The following POLK variants were observed in gnomAD, a reference collection of about 807,000 sequenced individuals.
The protein encoded by POLK is DNA polymerase kappa.
In POLK, 76 loss-of-function variants were observed where a neutral mutation model predicts 94.0. That is an observed-to-expected ratio of 0.81 (90% CI 0.67 to 0.98). The LOEUF (loss-of-function observed/expected upper bound fraction) is 0.98, where lower values mean the gene tolerates loss of function less well. Ranked by LOEUF, POLK falls within the 50% of genes least tolerant of loss-of-function variation. The pLI is 0.00. For synonymous variants in POLK, 349 were observed against 325.4 expected, an observed-to-expected ratio of 1.07 and a Z score of -0.78; for missense variants, 954 against 1,010.1, an observed-to-expected ratio of 0.94 and a Z score of 0.75.
At chr5:75,592,059 G>T (rs973145621) in intron 11 of POLK, among the ~76,000 whole-genome samples, 1 of 152,120 alleles carries the variant, frequency 6.6e-6, no homozygotes, top group African/African-American at 2.4e-5. Flanking sequence ...TCCTCCAGGG[G>T]ATACTAAAAT....
chr5:75,547,081 G>A, exon 2 of POLK: 1 of 1,518,084 alleles, frequency 6.6e-7, no homozygotes, highest in South Asian at 1.2e-5. Context: ...CTTAGGATGG[G>A]ACTTAATGAT....
intron 1 of POLK, among the ~76,000 whole-genome samples, chr5:75,546,792 A>G (rs1770045238): frequency 6.6e-6 from 1 of 151,948 alleles, no homozygotes; most frequent in African/African-American, 2.4e-5. Flanking sequence ...CAGCCTCCCT[A>G]GTAGCTGGGA....
rs748350324 is a variant in POLK, at chr5:75,562,473, C to T, written c.256-6867C>T. Among the ~76,000 whole-genome samples the T allele has an allele frequency of 6.6e-5, 10 of 152,264 alleles. No homozygotes were observed. In the South Asian group the frequency reaches 1.0e-3, roughly 16 times the overall value. On this transcript the variant is annotated intron_variant, in intron 3 of 14. Coordinates refer to ENST00000241436, the Ensembl canonical transcript of POLK. ...CCTGCAAACAGAGGTAATTTGACTCCCTCTCTTCCTAATTGAATACCCTTT... is the reference window on the plus strand; with the variant it reads ...CCTGCAAACAGAGGTAATTTGACTCTCTCTCTTCCTAATTGAATACCCTTT...
At chr5:75,569,880 C>T (rs1418485996) in intron 4 of POLK, among the ~76,000 whole-genome samples, 1 of 152,118 alleles carries the variant, frequency 6.6e-6, no homozygotes, top group Admixed American at 6.5e-5. Context: ...TGTGAGGGAT[C>T]CAGGTTACAT....
chr5:75,538,650 G>A (rs995939912), intron 1 of POLK: 5 of 152,074 alleles, frequency 3.3e-5, no homozygotes, highest in African/African-American at 4.8e-5. Flanking sequence ...CTGAAAAACT[G>A]TAACATTCAT....
intron 3 of POLK, among the ~76,000 whole-genome samples, chr5:75,559,518 G>GTT (rs1770850714): frequency 4.3e-5 from 3 of 70,154 alleles, no homozygotes; most frequent in African/African-American, 5.6e-5. Flanking sequence ...TTTTTGTTTT[G>GTT]TTTTGTTTTT....
chr5:75,588,541 A>G (rs1295520333), intron 10 of POLK, among the ~76,000 whole-genome samples: 5 of 152,218 alleles, frequency 3.3e-5, no homozygotes, highest in Admixed American at 1.3e-4. Flanking sequence ...AACATACTCT[A>G]TTGGCAAGAC....
chr5:75,552,520 C>T lies in POLK; in HGVS notation c.184C>T (p.Gln62Ter), dbSNP rs1422414064. Residue 62 changes from glutamine to a stop codon, truncating the protein, a stop_gained, in exon 3 of 15, where the codon CAA (glutamine) becomes TAA (stop). Coordinates refer to ENST00000241436, the Ensembl canonical transcript of POLK. LOFTEE classifies it high-confidence loss of function. Reference sequence around the variant, plus strand: ...GCTCAAGAAAGAAAAGCAAGTCAACCAACGAATTGAAAATATGATGCAACA... The same window carrying T: ...GCTCAAGAAAGAAAAGCAAGTCAACTAACGAATTGAAAATATGATGCAACA... 4.3e-6 allele frequency: 7 copies of T among 1,612,078 alleles called. No homozygotes were observed. The highest frequency in any genetic ancestry group is 1.1e-5 in the South Asian group (1 of 90,818).
chr5:75,576,933 G>T, exon 6 of POLK: 1 of 1,533,316 alleles, frequency 6.5e-7, no homozygotes, highest in South Asian at 1.3e-5. Flanking sequence ...TGTAGAAAAT[G>T]GTAAGCAACT....
chr5:75,510,985 C>A, upstream of POLK: 2 of 1,282,606 alleles, frequency 1.6e-6, no homozygotes, highest in South Asian at 1.6e-5. Flanking sequence ...CTAGTCGCTG[C>A]AGCAACACTC....
intron 2 of POLK, 100 bp from the exon 3 acceptor site, chr5:75,552,372 C>T: frequency 9.3e-7 from 1 of 1,075,162 alleles, no homozygotes; most frequent in Admixed American, 3.0e-5. Flanking sequence ...TAAATTTAAT[C>T]TTCTGTTTCC....
At chr5:75,592,098 C>A (rs764834704) in intron 11 of POLK, among the ~76,000 whole-genome samples, 1 of 152,160 alleles carries the variant, frequency 6.6e-6, no homozygotes, top group Non-Finnish European at 1.5e-5. Context: ...ACATTTTAAC[C>A]ATTTTTAAGT....
chr5:75,574,871 C>G lies in POLK; in HGVS notation c.540+1002C>G, dbSNP rs370540646. 5.4e-4 allele frequency among the ~76,000 whole-genome samples: 83 copies of G among 152,296 alleles called. 1 individual carries two copies. Among genetic ancestry groups the G allele is most frequent in the African/African-American group, 1.9e-3 (79 of 41,566 alleles). ...TTCCTAATTAAAAAGAGATAAAATA[C>G]TAATCATAAATATAGCCTTTTAAGA... On this transcript the variant is annotated intron_variant, in intron 5 of 14. Transcript: ENST00000241436.
At chr5:75,537,821 G>A (rs2112596376) in intron 1 of POLK, among the ~76,000 whole-genome samples, 1 of 151,868 alleles carries the variant, frequency 6.6e-6, no homozygotes, top group Admixed American at 6.6e-5. Flanking sequence ...TATTTTATTT[G>A]CAGTTCAAAT....
At chr5:75,583,311 T>A (rs371176562) in exon 8 of POLK, 2 of 1,602,718 alleles carry the variant, frequency 1.2e-6, no homozygotes, top group Non-Finnish European at 1.7e-6. Context: ...CCAAATACAA[T>A]GTTAGCAAAA....
intron 1 of POLK, among the ~76,000 whole-genome samples, chr5:75,531,322 A>G (rs1406907313): frequency 1.4e-5 from 2 of 144,678 alleles, no homozygotes; most frequent in African/African-American, 4.9e-5. Flanking sequence ...TATATTTAGT[A>G]TATAGTATAT....
At chr5:75,549,041 G>C (rs1341796921) in intron 2 of POLK, among the ~76,000 whole-genome samples, 2 of 152,088 alleles carry the variant, frequency 1.3e-5, no homozygotes, top group African/African-American at 2.4e-5. Context: ...TGTTTCACTT[G>C]TAATGAAGCA....
At chr5:75,547,178 G>T in intron 2 of POLK, 21 bp downstream of exon 2, 1 of 1,432,636 alleles carries the variant, frequency 7.0e-7, no homozygotes, top group South Asian at 1.5e-5. Flanking sequence ...TGTTTCTTTT[G>T]ATGTGTGTAA....
intron 1 of POLK, among the ~76,000 whole-genome samples, chr5:75,514,022 T>G (rs934147058): frequency 1.3e-5 from 2 of 152,204 alleles, no homozygotes; most frequent in Non-Finnish European, 2.9e-5. Flanking sequence ...ACTTCTACTA[T>G]AATTTCACAT....
Sources: gnomAD v4.1 joint callset for allele counts (sites outside exome capture counted in the v4.1 genomes callset) on GRCh38, gnomAD v4.1.1 for gene constraint, MANE v1.5 for transcripts, NCBI Gene and HGNC (gene_info 2026-07-23, HGNC 2026-07-21) for gene names.